ZNF385D: variants seen among roughly 807,000 people sequenced by gnomAD.
ZNF385D encodes the protein zinc finger protein 659.
In ZNF385D, 15 loss-of-function variants were observed where a neutral mutation model predicts 35.8. The observed-to-expected ratio is 0.42, with a 90% CI of 0.28 to 0.64. ZNF385D has a LOEUF of 0.64. Ranked by LOEUF, ZNF385D falls within the 30% of genes least tolerant of loss-of-function variation. The pLI is 0.23. For synonymous variants in ZNF385D, 212 were observed against 186.8 expected, an observed-to-expected ratio of 1.13 and a Z score of -1.10; for missense variants, 474 against 494.6, an observed-to-expected ratio of 0.96 and a Z score of 0.39.
chr3:21,765,513 T>C (rs2070788600), intron 3 of ZNF385D, among the ~76,000 whole-genome samples: 2 of 152,068 alleles, frequency 1.3e-5, no homozygotes, highest in Admixed American at 6.6e-5. Flanking sequence ...GAGACAATCA[T>C]GTTTGTTCTC....
At chr3:21,731,844 T>G (rs2069012395) in intron 1 of ZNF385D, among the ~76,000 whole-genome samples, 1 of 152,076 alleles carries the variant, frequency 6.6e-6, no homozygotes, top group Non-Finnish European at 1.5e-5. Context: ...CTTGCTAATA[T>G]GCATTTAATG....
At chr3:22,265,794 C>A (rs1487633433) in intron 2 of ZNF385D, among the ~76,000 whole-genome samples, 1 of 151,956 alleles carries the variant, frequency 6.6e-6, no homozygotes, top group Non-Finnish European at 1.5e-5. Flanking sequence ...AGTGTTTTAA[C>A]ATTTGCTGCC....
rs534637745 is a variant in ZNF385D, at chr3:21,831,990, A to G, written c.326-166962T>C. Among the ~76,000 whole-genome samples the G allele has an allele frequency of 4.6e-5, 7 of 152,332 alleles. No individual in the cohort carries two copies. In the East Asian group the frequency reaches 1.4e-3, roughly 29 times the overall value. On this transcript the variant is annotated intron_variant, in intron 3 of 5. Coordinates refer to the ZNF385D transcript ENST00000494108. ...TAAACATTTGACATTATAATGCACT[A>G]TCCCTTTAATTAGCTTGCATACCAC...
chr3:21,588,559 A>G (rs2063880312), intron 2 of ZNF385D, among the ~76,000 whole-genome samples: 1 of 152,140 alleles, frequency 6.6e-6, no homozygotes, highest in Non-Finnish European at 1.5e-5. Flanking sequence ...ATATAAAGAC[A>G]TTAAAGAAAA....
At chr3:21,828,555 G>A (rs1694798160) in intron 3 of ZNF385D, among the ~76,000 whole-genome samples, 1 of 152,150 alleles carries the variant, frequency 6.6e-6, no homozygotes, top group Admixed American at 6.5e-5. Context: ...TTTGGCATGT[G>A]CTTTATCATT....
At chr3:21,760,488 C>A (rs566162091) in intron 3 of ZNF385D, among the ~76,000 whole-genome samples, 1 of 152,086 alleles carries the variant, frequency 6.6e-6, no homozygotes, top group South Asian at 2.1e-4. Flanking sequence ...TGCAGTGGGA[C>A]GTTATTACTG....
chr3:21,772,748 T>A (rs139418498), intron 3 of ZNF385D, among the ~76,000 whole-genome samples: 1 of 151,926 alleles, frequency 6.6e-6, no homozygotes, highest in Non-Finnish European at 1.5e-5. Flanking sequence ...AAAGAGATAT[T>A]TGAACACCTA....
chr3:21,960,201 A>C (rs1255512903), intron 3 of ZNF385D, among the ~76,000 whole-genome samples: 1 of 32,764 alleles, frequency 3.1e-5, no homozygotes, highest in African/African-American at 7.2e-5. Flanking sequence ...ACTAAACAGC[A>C]ATACACACAC....
intron 2 of ZNF385D, among the ~76,000 whole-genome samples, chr3:22,235,644 A>G (rs1699136677): frequency 6.6e-6 from 1 of 152,142 alleles, no homozygotes; most frequent in Admixed American, 6.6e-5. Context: ...TTTAAAAAGG[A>G]AAAACAAACA....
chr3:22,209,593 G>A (rs1046293288), intron 2 of ZNF385D, among the ~76,000 whole-genome samples: 1 of 151,664 alleles, frequency 6.6e-6, no homozygotes, highest in African/African-American at 2.4e-5. Flanking sequence ...AAATTTTATT[G>A]CATTTTTCCA....
At position 21,660,655 on chromosome 3, in the gene ZNF385D, G is replaced by A. The variant is rs1243836405; in HGVS notation, c.165+4231C>T. 2.0e-5 allele frequency among the ~76,000 whole-genome samples: 3 copies of A among 152,248 alleles called. No homozygotes were observed. The East Asian group carries it at 5.8e-4, about 29-fold the overall frequency. ...TAGGAGAAAACTGTCATAAAATGTG[G>A]CCATTTTTTCATGATTACCTTCTGT... On this transcript the variant is annotated intron_variant, in intron 2 of 7. Coordinates refer to ENST00000281523, the MANE Select transcript of ZNF385D (RefSeq NM_024697.3).
chr3:21,865,702 T>C (rs962309638), intron 3 of ZNF385D, among the ~76,000 whole-genome samples: 1 of 152,140 alleles, frequency 6.6e-6, no homozygotes, highest in African/African-American at 2.4e-5. Context: ...TGGAAGAACT[T>C]GAGCTTTCAT....
chr3:21,435,986 C>T (rs1307320084), intron 5 of ZNF385D, among the ~76,000 whole-genome samples: 1 of 152,162 alleles, frequency 6.6e-6, no homozygotes, highest in East Asian at 1.9e-4. Context: ...ACTCAACATA[C>T]AGCTGCAATA....
At chr3:21,956,755 A>C (rs1702312916) in intron 3 of ZNF385D, among the ~76,000 whole-genome samples, 1 of 151,844 alleles carries the variant, frequency 6.6e-6, no homozygotes, top group African/African-American at 2.4e-5. Context: ...CCTGGTTTCA[A>C]AAAGATGGAT....
chr3:22,107,144 C>T (rs1050322859), intron 3 of ZNF385D, among the ~76,000 whole-genome samples: 1 of 151,466 alleles, frequency 6.6e-6, no homozygotes, highest in African/African-American at 2.4e-5. Flanking sequence ...CCTGCCTCAG[C>T]CCCGGAGTAG....
At chr3:22,147,404 G>T (rs188726965) in intron 3 of ZNF385D, among the ~76,000 whole-genome samples, 1 of 152,102 alleles carries the variant, frequency 6.6e-6, no homozygotes, top group Admixed American at 6.6e-5. Flanking sequence ...GCCCAAATCA[G>T]TTCCACGAAT....
intron 2 of ZNF385D, among the ~76,000 whole-genome samples, chr3:22,349,766 C>A (rs1206311329): frequency 1.0e-5 from 1 of 99,228 alleles, no homozygotes; most frequent in Non-Finnish European, 1.9e-5. Flanking sequence ...CTGGGTCCAA[C>A]CACACTTAGC....
chr3:22,056,473 A>T (rs150022942), intron 3 of ZNF385D, among the ~76,000 whole-genome samples: 15 of 152,272 alleles, frequency 9.9e-5, no homozygotes, highest in Non-Finnish European at 2.2e-4. Context: ...GATACCCAAG[A>T]TAAAACTGTA....
chr3:21,769,664 A>T (rs1299488142), intron 3 of ZNF385D, among the ~76,000 whole-genome samples: 1 of 127,606 alleles, frequency 7.8e-6, no homozygotes, highest in East Asian at 2.6e-4. Context: ...ATACTGCCCA[A>T]GGTAATTTAT....
Sources: allele counts gnomAD v4.1 joint callset (sites outside exome capture counted in the v4.1 genomes callset), GRCh38; gene constraint gnomAD v4.1.1; transcripts MANE v1.5; gene names NCBI Gene and HGNC (gene_info 2026-07-23, HGNC 2026-07-21).